SAXO1: variants seen among roughly 807,000 people sequenced by gnomAD.
SAXO1 encodes 4930500O09Rik.
SAXO1 carries 21 observed loss-of-function variants against 17.5 expected under a neutral mutation model. The observed-to-expected ratio is 1.20, with a 90% confidence interval of 0.85 to 1.72. The LOEUF (loss-of-function observed/expected upper bound fraction) is 1.72. Among genes scored for constraint, SAXO1 ranks in the 40% most tolerant of loss-of-function variants. SAXO1 has a pLI of 0.00. For missense variants in SAXO1, 843 were observed against 596.0 expected (o/e 1.41, Z -4.32); for synonymous variants, 274 against 216.5 (o/e 1.27, Z -2.33).
chr9:18,974,066 T>G (rs1244356824), intron 1 of SAXO1, among the ~76,000 whole-genome samples: 2 of 152,198 alleles, frequency 1.3e-5, no homozygotes. Flanking sequence ...GGTGGCAGTG[T>G]GCCCTTATGG....
chr9:19,034,411 T>A (rs368755147), upstream of SAXO1, among the ~76,000 whole-genome samples: 1 of 111,092 alleles, frequency 9.0e-6, no homozygotes, highest in South Asian at 2.8e-4. Flanking sequence ...TTGAAAAAAT[T>A]AAAATAATAA....
intron 1 of SAXO1, among the ~76,000 whole-genome samples, chr9:19,013,594 T>C (rs1454223646): frequency 7.3e-6 from 1 of 136,172 alleles, no homozygotes; most frequent in East Asian, 2.2e-4. Context: ...TCACCCAGGC[T>C]GGAATGCAGT....
At chr9:18,995,141 C>T (rs1833951531) in intron 1 of SAXO1, among the ~76,000 whole-genome samples, 1 of 152,174 alleles carries the variant, frequency 6.6e-6, no homozygotes, top group South Asian at 2.1e-4. Context: ...TTCTCCCTCC[C>T]TTTTCTCCCC....
chr9:19,009,026 T>C (rs774714816), intron 1 of SAXO1, among the ~76,000 whole-genome samples: 1 of 152,184 alleles, frequency 6.6e-6, no homozygotes, highest in Non-Finnish European at 1.5e-5. Flanking sequence ...AACTATTATT[T>C]CCAAAAATGT....
At chr9:18,964,918 C>G (rs1295604067) in intron 1 of SAXO1, among the ~76,000 whole-genome samples, 2 of 152,260 alleles carry the variant, frequency 1.3e-5, no homozygotes, top group Non-Finnish European at 2.9e-5. Flanking sequence ...CCTCTACACA[C>G]TGCTTTAGCT....
chr9:19,005,423 G>T (rs1275801010), intron 1 of SAXO1, among the ~76,000 whole-genome samples: 1 of 152,070 alleles, frequency 6.6e-6, no homozygotes, highest in East Asian at 1.9e-4. Flanking sequence ...ACTAGCATAA[G>T]GACAGACATA....
At chr9:18,967,401 A>ACC (rs138948515) in intron 1 of SAXO1, among the ~76,000 whole-genome samples, 27,762 of 151,948 alleles carry the variant, frequency 0.18, 5,338 homozygotes, top group African/African-American at 0.49. Context: ...TTATCTATAG[A>ACC]CCCCTGACTG....
intron 1 of SAXO1, chr9:19,027,453 G>C (rs923753654): frequency 1.3e-6 from 1 of 770,544 alleles, no homozygotes. Context: ...CCACTGTCTT[G>C]TCAATGAACC....
upstream of SAXO1, among the ~76,000 whole-genome samples, chr9:19,037,513 T>C (rs1588573589): frequency 6.6e-6 from 1 of 152,230 alleles, no homozygotes; most frequent in Admixed American, 6.5e-5. Context: ...TCACAAGTTC[T>C]GATGGATTTA....
intron 1 of SAXO1, among the ~76,000 whole-genome samples, chr9:18,964,217 T>C (rs1053493903): frequency 3.3e-5 from 5 of 152,218 alleles, no homozygotes; most frequent in Admixed American, 2.0e-4. Context: ...ATCAGGGATA[T>C]TGGCCTGAAA....
rs1347226615 is a variant in SAXO1 at position 19,021,387 on chromosome 9, T to C, written c.38+11484A>G. 3.3e-5 allele frequency among the ~76,000 whole-genome samples: 5 copies of C among 152,174 alleles called. No homozygotes were observed. In the East Asian group the frequency reaches 7.7e-4, roughly 23 times the overall value. Reference sequence around the variant, plus strand: ...CTCCCAACTAGCCATTAAATACTTTTGATGAACTCAGGAAAACATCTGTCC... The same window carrying C: ...CTCCCAACTAGCCATTAAATACTTTCGATGAACTCAGGAAAACATCTGTCC... On this transcript the variant is annotated intron_variant, in intron 1 of 3. Coordinates refer to ENST00000380534, the MANE Select transcript of SAXO1 (RefSeq NM_153707.4).
At chr9:18,964,417 T>C (rs1469796942) in intron 1 of SAXO1, among the ~76,000 whole-genome samples, 1 of 152,212 alleles carries the variant, frequency 6.6e-6, no homozygotes, top group African/African-American at 2.4e-5. Context: ...TTTTTTTGGT[T>C]GGTGGACTAT....
At chr9:18,979,535 T>C (rs1051889726) in intron 1 of SAXO1, among the ~76,000 whole-genome samples, 2 of 152,210 alleles carry the variant, frequency 1.3e-5, no homozygotes, top group Non-Finnish European at 2.9e-5. Context: ...CCAGAGCCTT[T>C]GGCCTGGGGA....
At chr9:19,048,183 A>C (rs1205873353) in intron 1 of SAXO1, among the ~76,000 whole-genome samples, 10 of 152,352 alleles carry the variant, frequency 6.6e-5, no homozygotes, top group Non-Finnish European at 1.5e-5. Context: ...TAAGGGCTTT[A>C]GGCCAGGCAC....
At chr9:18,941,986 A>G in intron 2 of SAXO1, 147 bp from the exon 3 acceptor site, 1 of 704,308 alleles carries the variant, frequency 1.4e-6, no homozygotes, top group South Asian at 1.8e-5. Flanking sequence ...TTTCTCCTCT[A>G]TTTCCCACTT....
chr9:18,929,592 C>T (rs192266507), intron 3 of SAXO1, among the ~76,000 whole-genome samples: 2 of 152,262 alleles, frequency 1.3e-5, no homozygotes, highest in Admixed American at 1.3e-4. Flanking sequence ...ATATGCTGCT[C>T]CAAGGGAATA....
At chr9:19,046,584 C>T (rs1836221872) in intron 1 of SAXO1, among the ~76,000 whole-genome samples, 1 of 152,112 alleles carries the variant, frequency 6.6e-6, no homozygotes. Context: ...TGCCTGCAAT[C>T]CCAGCTACTT....
intron 1 of SAXO1, among the ~76,000 whole-genome samples, chr9:19,008,483 C>T (rs1403718655): frequency 6.6e-6 from 1 of 152,002 alleles, no homozygotes; most frequent in African/African-American, 2.4e-5. Flanking sequence ...CTGGAAGGAG[C>T]AGAAAGCTAT....
chr9:19,045,051 C>T (rs1323463721), intron 1 of SAXO1, among the ~76,000 whole-genome samples: 2 of 151,652 alleles, frequency 1.3e-5, no homozygotes, highest in Non-Finnish European at 2.9e-5. Flanking sequence ...TGGCTCACGC[C>T]TGTAATCCCA....
Sources: gnomAD v4.1 joint callset for allele counts (sites outside exome capture counted in the v4.1 genomes callset) on GRCh38, gnomAD v4.1.1 for gene constraint, MANE v1.5 for transcripts, NCBI Gene and HGNC (gene_info 2026-07-23, HGNC 2026-07-21) for gene names.